The following TPST1 variants were observed in gnomAD, a reference collection of about 807,000 sequenced individuals.
TPST1 encodes tyrosylprotein sulfotransferase 1.
In TPST1, 20 loss-of-function variants were observed where a neutral mutation model predicts 34.8. That is an observed-to-expected ratio of 0.57 (90% CI 0.40 to 0.84). The LOEUF is 0.84. TPST1 is among the 40% of genes least tolerant of loss of function. TPST1 has a pLI of 0.00. For missense variants in TPST1, 353 were observed against 455.5 expected, an observed-to-expected ratio of 0.78 and a Z score of 2.05; for synonymous variants, 152 against 159.4, an observed-to-expected ratio of 0.95 and a Z score of 0.35.
At chr7:66,279,358 C>G (rs114956505) in intron 2 of TPST1, among the ~76,000 whole-genome samples, 2,254 of 152,222 alleles carry the variant, frequency 0.015, 59 homozygotes, top group African/African-American at 0.048. Flanking sequence ...GGTTCCATGT[C>G]TTAGCTATTG....
At chr7:66,336,311 A>G (rs1390271619) in intron 3 of TPST1, among the ~76,000 whole-genome samples, 1 of 126,354 alleles carries the variant, frequency 7.9e-6, no homozygotes, top group Non-Finnish European at 1.6e-5. Context: ...CTCCGCCTCA[A>G]AAAAAAAAAA....
At chr7:66,259,827 G>A (rs1172062558) in intron 2 of TPST1, among the ~76,000 whole-genome samples, 2 of 152,086 alleles carry the variant, frequency 1.3e-5, no homozygotes, top group African/African-American at 4.8e-5. Flanking sequence ...TGTGGGTTTT[G>A]ACAAATGTAT....
chr7:66,303,613 T>C (rs546478221), intron 3 of TPST1, among the ~76,000 whole-genome samples: 6 of 152,252 alleles, frequency 3.9e-5, no homozygotes, highest in African/African-American at 1.4e-4. Context: ...TTTCACCAAG[T>C]TGCCCAGGCT....
At chr7:66,280,015 C>T (rs1401402970) in intron 2 of TPST1, among the ~76,000 whole-genome samples, 1 of 152,228 alleles carries the variant, frequency 6.6e-6, no homozygotes, top group African/African-American at 2.4e-5. Flanking sequence ...AGCAGGTGCT[C>T]TGGACCTAAG....
chr7:66,201,381 C>CAAAA (rs138553925), upstream of TPST1, among the ~76,000 whole-genome samples: 1 of 73,516 alleles, frequency 1.4e-5, no homozygotes. Context: ...CCATCTCTAC[C>CAAAA]AAAAAAAAAA....
chr7:66,271,332 C>T (rs1790700271), intron 2 of TPST1, among the ~76,000 whole-genome samples: 1 of 152,194 alleles, frequency 6.6e-6, no homozygotes, highest in Admixed American at 6.6e-5. Flanking sequence ...GTGCCCGCCG[C>T]CACGCCCGGC....
At chr7:66,318,399 A>G (rs566474942) in intron 3 of TPST1, among the ~76,000 whole-genome samples, 108 of 151,818 alleles carry the variant, frequency 7.1e-4, no homozygotes, top group African/African-American at 2.5e-3. Context: ...CATGCTCACA[A>G]TTACTTCTTG....
intron 2 of TPST1, among the ~76,000 whole-genome samples, chr7:66,245,432 G>A (rs1289164380): frequency 3.9e-5 from 6 of 152,194 alleles, no homozygotes; most frequent in Admixed American, 3.9e-4. Context: ...AAGACAGGCC[G>A]GGGTGATCAG....
chr7:66,231,505 G>A (rs574532440), intron 1 of TPST1, among the ~76,000 whole-genome samples: 47 of 152,364 alleles, frequency 3.1e-4, no homozygotes, highest in South Asian at 2.3e-3. Context: ...GCCCTGCCCC[G>A]TGGGAAGGCA....
chr7:66,271,626 G>A (rs1790707015), intron 2 of TPST1, among the ~76,000 whole-genome samples: 1 of 152,088 alleles, frequency 6.6e-6, no homozygotes, highest in African/African-American at 2.4e-5. Context: ...TACAGTATTT[G>A]TCTTTCTGTG....
intron 1 of TPST1, among the ~76,000 whole-genome samples, chr7:66,236,684 G>A (rs936016121): frequency 6.6e-6 from 1 of 152,100 alleles, no homozygotes; most frequent in Non-Finnish European, 1.5e-5. Context: ...TTTCACAGGC[G>A]TGTTCCCCAA....
chr7:66,344,271 CTG>C (rs1393592056), intron 3 of TPST1: 1 of 152,110 alleles, frequency 6.6e-6, no homozygotes, highest in African/African-American at 2.4e-5. Flanking sequence ...TATCCAAAAA[CTG>C]TGGGACAGTT....
chr7:66,301,485 C>T lies in TPST1; in HGVS notation c.1044+14776C>T, dbSNP rs78221969. 5.4e-3 allele frequency among the ~76,000 whole-genome samples: 822 copies of T among 152,342 alleles called. 8 individuals carry two copies. Among genetic ancestry groups the T allele is most frequent in the African/African-American group, 0.018 (759 of 41,576 alleles). On this transcript the variant is annotated intron_variant, in intron 3 of 5. Transcript: ENST00000304842. ...TTGATGGAAGAGGCCTGGCTTTCAG[C>T]TTATCTTGGCTTTCAACATACCTTC...
chr7:66,297,599 A>G (rs1791228133), intron 3 of TPST1, among the ~76,000 whole-genome samples: 1 of 152,196 alleles, frequency 6.6e-6, no homozygotes, highest in South Asian at 2.1e-4. Flanking sequence ...ACCTGAGTAG[A>G]TAGTACTGAG....
chr7:66,225,641 G>A (rs562219361), intron 1 of TPST1, among the ~76,000 whole-genome samples: 3 of 152,236 alleles, frequency 2.0e-5, no homozygotes, highest in South Asian at 2.1e-4. Context: ...ATAAAGTAAC[G>A]GATAGAGGCC....
At chr7:66,354,494 G>A (rs1312646786) in intron 4 of TPST1, among the ~76,000 whole-genome samples, 2 of 118,332 alleles carry the variant, frequency 1.7e-5, no homozygotes, top group Admixed American at 1.2e-4. Flanking sequence ...TGTAATCCCA[G>A]CCTGGGTGAC....
chr7:66,319,402 C>T (rs1397354944), intron 3 of TPST1, among the ~76,000 whole-genome samples: 1 of 152,104 alleles, frequency 6.6e-6, no homozygotes, highest in African/African-American at 2.4e-5. Flanking sequence ...TTTAGCCTGC[C>T]TGCTACTTTA....
chr7:66,310,904 C>G lies in TPST1; in HGVS notation c.1044+24195C>G, dbSNP rs191255136. On this transcript the variant is annotated intron_variant, in intron 3 of 5. Transcript: ENST00000304842. ...GCAGTGGCACGATCATAGCTTACTG[C>G]AGCCTTGACTTCTTGGGCTCAGGTG... Among the ~76,000 whole-genome samples, 210 of 152,066 alleles carry G rather than the reference C, an allele frequency of 1.4e-3. 1 individual carries two copies. Among genetic ancestry groups the G allele is most frequent in the African/African-American group, 4.9e-3 (204 of 41,482 alleles).
intron 3 of TPST1, among the ~76,000 whole-genome samples, chr7:66,293,022 C>T (rs1289395616): frequency 2.6e-5 from 4 of 151,988 alleles, no homozygotes; most frequent in East Asian, 3.9e-4. Flanking sequence ...CTGGCTAACA[C>T]GGTGAAACCC....
Sources: gnomAD v4.1 joint callset for allele counts (sites outside exome capture counted in the v4.1 genomes callset) on GRCh38, gnomAD v4.1.1 for gene constraint, MANE v1.5 for transcripts, NCBI Gene and HGNC (gene_info 2026-07-23, HGNC 2026-07-21) for gene names.